LAMC1: variants seen among roughly 807,000 people sequenced by gnomAD.
The protein encoded by LAMC1 is laminin subunit gamma 1, also known as laminin subunit gamma-1.
In LAMC1, 38 loss-of-function variants were observed where a neutral mutation model predicts 173.6. The observed-to-expected ratio is 0.22, with a 90% CI of 0.17 to 0.29. The LOEUF (loss-of-function observed/expected upper bound fraction) is 0.29. Among genes scored for constraint, LAMC1 ranks in the 10% least tolerant of loss-of-function variants. The pLI, the probability that LAMC1 is intolerant of heterozygous loss-of-function variation, is 1.00. For missense variants in LAMC1, 1,824 were observed against 2,051.8 expected (o/e 0.89, Z 2.14); for synonymous variants, 746 against 749.1 (o/e 1.00, Z 0.07).
intron 1 of LAMC1, among the ~76,000 whole-genome samples, chr1:183,081,138 C>T (rs1042244132): frequency 6.6e-5 from 10 of 151,908 alleles, no homozygotes; most frequent in South Asian, 4.2e-4. Context: ...CCGCCTGCAT[C>T]GGCCTCCCAA....
chr1:183,093,346 A>T (rs1655612491), intron 1 of LAMC1, among the ~76,000 whole-genome samples: 1 of 152,124 alleles, frequency 6.6e-6, no homozygotes. Flanking sequence ...AGTATATGAC[A>T]AAGTTCAGTT....
At chr1:183,036,396 C>CT (rs768370901) in intron 1 of LAMC1, among the ~76,000 whole-genome samples, 9,702 of 96,460 alleles carry the variant, frequency 0.1, 885 homozygotes, top group South Asian at 0.17. Flanking sequence ...CCACGCCAGT[C>CT]TTTTTTTTTT....
chr1:183,030,899 C>T (rs1004707580), intron 1 of LAMC1, among the ~76,000 whole-genome samples: 2 of 152,092 alleles, frequency 1.3e-5, no homozygotes, highest in Non-Finnish European at 2.9e-5. Flanking sequence ...GCAGAGGGAT[C>T]ATTCGAGCTA....
At chr1:183,054,880 G>A (rs1654542647) in intron 1 of LAMC1, among the ~76,000 whole-genome samples, 1 of 152,160 alleles carries the variant, frequency 6.6e-6, no homozygotes, top group Non-Finnish European at 1.5e-5. Context: ...GAGCAGGCCA[G>A]GAAGCCAGTG....
At chr1:183,136,676 T>C (rs1321222339) in intron 25 of LAMC1, 91 bp downstream of exon 25, 1 of 1,132,182 alleles carries the variant, frequency 8.8e-7, no homozygotes, top group African/African-American at 1.6e-5. Flanking sequence ...CCCTTGCAGA[T>C]TTTTTTCCTG....
chr1:183,094,217 GCCATTCCTGGAATGCTCTTC>G (rs955299490), intron 1 of LAMC1, among the ~76,000 whole-genome samples: 88 of 152,184 alleles, frequency 5.8e-4, no homozygotes, highest in Non-Finnish European at 7.1e-4. Flanking sequence ...TATTGCACTT[GCCATTCCTGGAATGCTCTTC>G]CCATTCCTGG....
At chr1:183,066,625 A>T (rs1444004688) in intron 1 of LAMC1, among the ~76,000 whole-genome samples, 1 of 152,258 alleles carries the variant, frequency 6.6e-6, no homozygotes, top group Non-Finnish European at 1.5e-5. Context: ...CTATGCAGCC[A>T]TAAAAAAGGA....
chr1:183,059,358 C>G (rs1654683747), intron 1 of LAMC1, among the ~76,000 whole-genome samples: 1 of 152,180 alleles, frequency 6.6e-6, no homozygotes, highest in Admixed American at 6.5e-5. Flanking sequence ...CCCACTTGCC[C>G]TGTTATATAC....
At position 183,103,732 on chromosome 1, in the gene LAMC1, G is replaced by A. The variant is rs181310828; in HGVS notation, c.723+100G>A. On this transcript the variant is annotated intron_variant, in intron 2 of 27. Coordinates refer to ENST00000258341, the MANE Select transcript of LAMC1 (RefSeq NM_002293.4). ...GCTTGTGGTCCCACTTCTGAGGTAC[G>A]GGGTCAGAGTAGAATACTTGAGCAA... 93 of 1,025,612 alleles carry A rather than the reference G, an allele frequency of 9.1e-5. 1 individual carries two copies. The African/African-American group carries it at 1.2e-3, about 14-fold the overall frequency. 63.5% of individuals were successfully genotyped at this position (1,025,612 alleles called of 1,614,324 possible).
chr1:183,098,293 G>T (rs912228448), intron 1 of LAMC1, among the ~76,000 whole-genome samples: 2 of 152,188 alleles, frequency 1.3e-5, no homozygotes, highest in African/African-American at 2.4e-5. Flanking sequence ...AAGCTCCTTA[G>T]TGTTCCAGTT....
At chr1:183,077,776 G>A (rs202158049) in intron 1 of LAMC1, among the ~76,000 whole-genome samples, 2 of 116,554 alleles carry the variant, frequency 1.7e-5, no homozygotes, top group South Asian at 3.0e-4. Flanking sequence ...TGGCCATTGT[G>A]TATATATATA....
chr1:183,059,067 A>C (rs370722931), intron 1 of LAMC1, among the ~76,000 whole-genome samples: 7 of 152,154 alleles, frequency 4.6e-5, no homozygotes, highest in Non-Finnish European at 5.9e-5. Context: ...AGTTGCTTCT[A>C]TTGTGTTCCC....
At chr1:183,088,970 G>C (rs1655501408) in intron 1 of LAMC1, among the ~76,000 whole-genome samples, 2 of 152,236 alleles carry the variant, frequency 1.3e-5, no homozygotes, top group African/African-American at 4.8e-5. Context: ...CATGCCTGAG[G>C]AGTGTGTATT....
At chr1:183,135,727 ATTTTTTT>A (rs539426291) in intron 24 of LAMC1, among the ~76,000 whole-genome samples, 1 of 150,502 alleles carries the variant, frequency 6.6e-6, no homozygotes, top group African/African-American at 2.4e-5. Context: ...ATAAAAAAAA[ATTTTTTT>A]TTTAATTAGC....
rs1469599747 is a variant in LAMC1 at position 183,143,881 on chromosome 1, T to G, written c.*1091T>G. 1 of 152,236 alleles carries G rather than the reference T, an allele frequency of 6.6e-6. No individual in the cohort carries two copies. The highest frequency in any genetic ancestry group is 1.5e-5 in the Non-Finnish European group (1 of 68,044). 9.4% of individuals were successfully genotyped at this position (152,236 alleles called of 1,614,324 possible). On this transcript the variant is annotated 3_prime_UTR_variant, in exon 28 of 28. Coordinates refer to ENST00000258341, the MANE Select transcript of LAMC1 (RefSeq NM_002293.4). ...CATTTGACCCTTAGCTCCAGTTTTCTTCTGATGTTTCCATCTTCCAGAATC... is the reference window on the plus strand; with the variant it reads ...CATTTGACCCTTAGCTCCAGTTTTCGTCTGATGTTTCCATCTTCCAGAATC...
At chr1:183,114,864 CTA>C in intron 5 of LAMC1, 145 bp downstream of exon 5, 1 of 806,440 alleles carries the variant, frequency 1.2e-6, no homozygotes, top group African/African-American at 1.7e-5. Context: ...AGATCTGTCT[CTA>C]CCCCATGCCT....
intron 1 of LAMC1, among the ~76,000 whole-genome samples, chr1:183,025,134 A>T (rs1430133220): frequency 8.9e-6 from 1 of 112,148 alleles, no homozygotes; most frequent in African/African-American, 2.8e-5. Flanking sequence ...AGTAGCTGGT[A>T]CTAATGAACT....
rs1654380668 is a variant in LAMC1, at chr1:183,050,268, GTTTTCTCAGA to G, written c.418+26137_418+26146del. On this transcript the variant is annotated intron_variant, in intron 1 of 27. Coordinates refer to ENST00000258341, the MANE Select transcript of LAMC1 (RefSeq NM_002293.4). ...CCTCACTTTATCAATGTTTCTGCTTGTTTTCTCAGATTCTTTTTTTTTTTTTTTTTTTTGA... is the reference window on the plus strand; with the variant it reads ...CCTCACTTTATCAATGTTTCTGCTTGTTCTTTTTTTTTTTTTTTTTTTTGA... 1.6e-4 allele frequency among the ~76,000 whole-genome samples: 22 copies of G among 137,378 alleles called. No homozygotes were observed. In the South Asian group the frequency reaches 4.9e-3, roughly 31 times the overall value. 90.1% of individuals were successfully genotyped at this position (137,378 alleles called of 152,430 possible). A position where few individuals can be genotyped will look rare whatever the true frequency, so the allele number is the denominator to read the frequency against.
chr1:183,124,450 G>A (rs1223499793), intron 13 of LAMC1, among the ~76,000 whole-genome samples, 181 bp from the exon 14 acceptor site: 1 of 152,202 alleles, frequency 6.6e-6, no homozygotes, highest in African/African-American at 2.4e-5. Flanking sequence ...ATAGAGATGT[G>A]CTCAAGGTCA....
Sources: gnomAD v4.1 joint callset for allele counts (sites outside exome capture counted in the v4.1 genomes callset) on GRCh38, gnomAD v4.1.1 for gene constraint, MANE v1.5 for transcripts, NCBI Gene and HGNC (gene_info 2026-07-23, HGNC 2026-07-21) for gene names.